TOM1L2: variants seen among roughly 807,000 people sequenced by gnomAD.
TOM1L2 encodes the protein TOM1-like protein 2.
A neutral mutation model predicts 67.9 loss-of-function variants in TOM1L2; 31 were observed. That is an observed-to-expected ratio of 0.46 (90% CI 0.34 to 0.62). The LOEUF is 0.62. TOM1L2 is among the 20% of genes least tolerant of loss of function. The pLI is 0.01. For synonymous variants in TOM1L2, 256 were observed against 254.0 expected (o/e 1.01, Z -0.07); for missense variants, 606 against 663.5 (o/e 0.91, Z 0.95).
At chr17:17,968,986 C>T (rs1211224238) in intron 1 of TOM1L2, among the ~76,000 whole-genome samples, 1 of 151,980 alleles carries the variant, frequency 6.6e-6, no homozygotes, top group East Asian at 1.9e-4. Context: ...CTCATTGTTT[C>T]ATGCATCTCT....
At chr17:17,871,663 C>A (rs1279567178) in intron 7 of TOM1L2, among the ~76,000 whole-genome samples, 1 of 151,964 alleles carries the variant, frequency 6.6e-6, no homozygotes, top group African/African-American at 2.4e-5. Context: ...AGAGTGAGAC[C>A]CTGTCTCCAA....
intron 5 of TOM1L2, 135 bp from the exon 6 acceptor site, chr17:17,882,998 G>A: frequency 9.3e-7 from 1 of 1,074,818 alleles, no homozygotes; most frequent in Non-Finnish European, 1.3e-6. Flanking sequence ...CTGCTGCCCG[G>A]GTGAGGTTCA....
chr17:17,910,066 T>A (rs773152958), intron 1 of TOM1L2, among the ~76,000 whole-genome samples: 1 of 152,098 alleles, frequency 6.6e-6, no homozygotes, highest in East Asian at 1.9e-4. Flanking sequence ...AATGATAAAT[T>A]TAATGTTATG....
intron 8 of TOM1L2, among the ~76,000 whole-genome samples, chr17:17,868,599 T>C (rs1415182376): frequency 6.6e-6 from 1 of 152,232 alleles, no homozygotes. Flanking sequence ...GCTGAGTCCT[T>C]CATGAAAGCC....
At chr17:17,918,910 G>A (rs1049859292) in intron 1 of TOM1L2, among the ~76,000 whole-genome samples, 16 of 152,184 alleles carry the variant, frequency 1.1e-4, no homozygotes, top group South Asian at 2.1e-4. Context: ...GCTGATGAGG[G>A]CCCTTTATAA....
intron 5 of TOM1L2, 60 bp downstream of exon 5, chr17:17,884,574 G>A: frequency 6.2e-7 from 1 of 1,605,508 alleles, no homozygotes; most frequent in Non-Finnish European, 8.5e-7. Flanking sequence ...GGTGGCTGCA[G>A]CAGCTTGGCT....
At chr17:17,940,132 G>A (rs1273566641) in intron 1 of TOM1L2, among the ~76,000 whole-genome samples, 4 of 146,856 alleles carry the variant, frequency 2.7e-5, no homozygotes, top group South Asian at 4.2e-4. Context: ...GGCGGAGGTC[G>A]CAGTGAGCTG....
At chr17:17,879,522 C>G in intron 7 of TOM1L2, 105 bp downstream of exon 7, 1 of 871,448 alleles carries the variant, frequency 1.1e-6, no homozygotes, top group Non-Finnish European at 1.9e-6. Context: ...AACAGGGCCA[C>G]TGGACCTGTC....
At position 17,882,720 on chromosome 17, in the gene TOM1L2, T is replaced by C; in HGVS notation, c.645A>G (p.Thr215=). 1 of 1,614,178 alleles carries C rather than the reference T, an allele frequency of 6.2e-7. No homozygotes were observed. The highest frequency in any genetic ancestry group is 2.2e-5 in the East Asian group (1 of 44,888). The change falls in exon 6 of 15, where the codon ACA becomes ACG. Residue 215 remains threonine, a synonymous_variant. Coordinates refer to ENST00000379504, the MANE Select transcript of TOM1L2 (RefSeq NM_001082968.2). ...ATGCAAGTACCTGTTCTGAATTGGC[T>C]GTGATGGGGCCAGTCACACTCAGAG... ...APALSVTGPI[T]ANSEQIARLR... is the part of the protein sequence containing the mutation.
chr17:17,915,852 T>C (rs1303429283), intron 1 of TOM1L2, among the ~76,000 whole-genome samples: 1 of 151,766 alleles, frequency 6.6e-6, no homozygotes, highest in Non-Finnish European at 1.5e-5. Context: ...TTTTTTTTTT[T>C]TTTTTTGGTT....
At position 17,884,711 on chromosome 17, in the gene TOM1L2, C is replaced by T. The variant is rs1436067803; in HGVS notation, c.424G>A (p.Glu142Lys). 6.2e-7 allele frequency: 1 copy of T among 1,614,004 alleles called. No individual in the cohort carries two copies. Among genetic ancestry groups the T allele is most frequent in the South Asian group, 1.1e-5 (1 of 91,070 alleles). ...TCAACCCCTTTCCTCTTCAGCTCCT[C>T]ATATATGTGCACAACGCCGGTGAGA... is the stretch of plus-strand genomic sequence containing the variant. ...PDLTGVVHIY[E>K]ELKRKGVEFP... The change falls in exon 5 of 15, where the codon GAG (glutamate) becomes AAG (lysine). Residue 142 changes from glutamate to lysine, a missense_variant. Coordinates refer to ENST00000379504, the MANE Select transcript of TOM1L2 (RefSeq NM_001082968.2).
chr17:17,928,457 T>A (rs1308125166), intron 1 of TOM1L2, among the ~76,000 whole-genome samples: 1 of 152,226 alleles, frequency 6.6e-6, no homozygotes, highest in Admixed American at 6.5e-5. Flanking sequence ...TGCATACTAA[T>A]CACCACAAGG....
intron 1 of TOM1L2, among the ~76,000 whole-genome samples, chr17:17,909,299 G>A (rs947817565): frequency 1.3e-5 from 2 of 152,186 alleles, no homozygotes; most frequent in Non-Finnish European, 2.9e-5. Context: ...TATTTGCAGA[G>A]TCATGTTCAT....
intron 1 of TOM1L2, among the ~76,000 whole-genome samples, chr17:17,963,004 G>GT (rs958775018): frequency 3.2e-4 from 47 of 149,150 alleles, no homozygotes; most frequent in South Asian, 8.5e-4. Context: ...ATTTTATCAG[G>GT]TTTTTTTTTT....
chr17:17,943,303 G>A (rs2040810659), intron 1 of TOM1L2, among the ~76,000 whole-genome samples: 1 of 152,178 alleles, frequency 6.6e-6, no homozygotes, highest in Non-Finnish European at 1.5e-5. Context: ...TTTCCATCTT[G>A]ATATGGGTCC....
chr17:17,862,963 T>TGGGGGGGGG, intron 10 of TOM1L2, 115 bp from the exon 11 acceptor site: 1 of 176,168 alleles, frequency 5.7e-6, no homozygotes, highest in Non-Finnish European at 1.1e-5. Flanking sequence ...ATGGGGAGGG[T>TGGGGGGGGG]GGGGCGGGAC....
At chr17:17,970,279 T>C (rs576887331) in intron 1 of TOM1L2, among the ~76,000 whole-genome samples, 11 of 152,122 alleles carry the variant, frequency 7.2e-5, no homozygotes, top group African/African-American at 2.7e-4. Flanking sequence ...TTAGCCAAGA[T>C]GGTCTCGATC....
At chr17:17,910,347 TC>T (rs1325618418) in intron 1 of TOM1L2, among the ~76,000 whole-genome samples, 3 of 152,202 alleles carry the variant, frequency 2.0e-5, no homozygotes. Context: ...TGTCTTGCCT[TC>T]CACTGGGTCC....
At chr17:17,961,437 T>C (rs2041672821) in intron 1 of TOM1L2, among the ~76,000 whole-genome samples, 1 of 151,706 alleles carries the variant, frequency 6.6e-6, no homozygotes, top group African/African-American at 2.4e-5. Context: ...TGGCTGGGAA[T>C]GGTGGTGCAT....
Sources: gnomAD v4.1 joint callset for allele counts (sites outside exome capture counted in the v4.1 genomes callset) on GRCh38, gnomAD v4.1.1 for gene constraint, MANE v1.5 for transcripts, NCBI Gene and HGNC (gene_info 2026-07-23, HGNC 2026-07-21) for gene names.